ADAMTS17: variants seen among roughly 807,000 people sequenced by gnomAD.
ADAMTS17 encodes the protein ADAM metallopeptidase with thrombospondin type 1 motif 17, also known as A disintegrin and metalloproteinase with thrombospondin motifs 17.
Under a neutral mutation model 141.5 loss-of-function variants are expected in ADAMTS17, and 113 were observed. That is an observed-to-expected ratio of 0.80 (90% CI 0.69 to 0.93). The LOEUF is 0.93. Among genes scored for constraint, ADAMTS17 ranks in the 40% least tolerant of loss-of-function variants. The probability of loss-of-function intolerance (pLI) is 0.00; values close to 1 mark genes in which losing one functional copy is unlikely to be tolerated. For synonymous variants in ADAMTS17, 768 were observed against 630.6 expected (o/e 1.22, Z -3.27); for missense variants, 1,659 against 1,517.9 (o/e 1.09, Z -1.54).
intron 6 of ADAMTS17, among the ~76,000 whole-genome samples, chr15:100,257,485 C>T (rs771723126): frequency 6.6e-6 from 1 of 152,240 alleles, no homozygotes; most frequent in Non-Finnish European, 1.5e-5. Context: ...TGTGATTGCT[C>T]ATGTAGCTTC....
At chr15:100,181,163 C>T (rs958502158) in intron 8 of ADAMTS17, among the ~76,000 whole-genome samples, 2 of 152,086 alleles carry the variant, frequency 1.3e-5, no homozygotes, top group Non-Finnish European at 2.9e-5. Context: ...AAGCACTCTT[C>T]AGTTTGTGGT....
intron 3 of ADAMTS17, among the ~76,000 whole-genome samples, chr15:100,330,531 G>A (rs552725426): frequency 2.6e-5 from 4 of 152,230 alleles, no homozygotes; most frequent in East Asian, 1.9e-4. Flanking sequence ...GCCAGAACTC[G>A]GGAGCACTGT....
At position 100,023,359 on chromosome 15, in the gene ADAMTS17, G is replaced by A. The variant is rs560194375; in HGVS notation, c.2591+25498C>T. Among the ~76,000 whole-genome samples, 19 of 151,562 alleles carry A rather than the reference G, an allele frequency of 1.3e-4. No individual in the cohort carries two copies. The East Asian group carries it at 3.3e-3, about 26-fold the overall frequency. On this transcript the variant is annotated intron_variant, in intron 18 of 21. Transcript: ENST00000268070. ...TGGGATTACAGGTGCCTGCCACCAC[G>A]CAGGGCTAATTTTTTTTTTTGTATT...
chr15:100,159,374 C>T (rs1016805643), intron 8 of ADAMTS17, among the ~76,000 whole-genome samples: 11 of 152,204 alleles, frequency 7.2e-5, no homozygotes, highest in Non-Finnish European at 1.5e-4. Context: ...TTTCTTCTAC[C>T]TGGTAGCTTT....
At chr15:100,265,936 T>C (rs1596396265) in intron 4 of ADAMTS17, among the ~76,000 whole-genome samples, 1 of 152,126 alleles carries the variant, frequency 6.6e-6, no homozygotes, top group East Asian at 1.9e-4. Flanking sequence ...ACAGTGCTCC[T>C]TCCCCACCCT....
chr15:100,076,040 T>G (rs2034350166), intron 15 of ADAMTS17, among the ~76,000 whole-genome samples: 1 of 151,354 alleles, frequency 6.6e-6, no homozygotes, highest in Admixed American at 6.6e-5. Context: ...ATTCTTATTT[T>G]CTTTCTTTTT....
intron 15 of ADAMTS17, among the ~76,000 whole-genome samples, chr15:100,084,567 G>A (rs1451164481): frequency 3.3e-5 from 5 of 152,212 alleles, no homozygotes; most frequent in Admixed American, 6.5e-5. Context: ...CCTGACCCCC[G>A]AGTAGCCTAA....
chr15:100,306,612 T>A (rs1442862149), intron 3 of ADAMTS17: 1 of 455,296 alleles, frequency 2.2e-6, no homozygotes, highest in Admixed American at 2.4e-5. Flanking sequence ...CCTTGTCAAA[T>A]CCCTGACCCA....
chr15:100,107,739 C>A (rs570068178), intron 14 of ADAMTS17, among the ~76,000 whole-genome samples: 2 of 152,110 alleles, frequency 1.3e-5, no homozygotes, highest in Non-Finnish European at 2.9e-5. Flanking sequence ...ATAAGCGACC[C>A]CTCATCAGAT....
chr15:99,975,492 T>G (rs2060302563), intron 21 of ADAMTS17, among the ~76,000 whole-genome samples: 1 of 152,120 alleles, frequency 6.6e-6, no homozygotes, highest in Non-Finnish European at 1.5e-5. Flanking sequence ...TTTACAGGCA[T>G]GAGCCACCAC....
chr15:100,131,218 G>T (rs1362159308), intron 12 of ADAMTS17, among the ~76,000 whole-genome samples: 1 of 145,444 alleles, frequency 6.9e-6, no homozygotes, highest in Admixed American at 6.8e-5. Context: ...GGCCTGTCGA[G>T]GGGGTTGAGG....
chr15:100,225,985 T>C (rs1369334375), intron 7 of ADAMTS17, among the ~76,000 whole-genome samples: 2 of 149,332 alleles, frequency 1.3e-5, no homozygotes, highest in African/African-American at 5.0e-5. Flanking sequence ...CATTCAGTCC[T>C]TATAGCAGTC....
At chr15:99,975,016 A>G (rs2060291961) in intron 21 of ADAMTS17, among the ~76,000 whole-genome samples, 1 of 152,222 alleles carries the variant, frequency 6.6e-6, no homozygotes, top group Non-Finnish European at 1.5e-5. Context: ...GCCCTGCTCA[A>G]GGGAGGTCCT....
intron 14 of ADAMTS17, among the ~76,000 whole-genome samples, chr15:100,098,347 G>C (rs533294805): frequency 6.6e-6 from 1 of 152,256 alleles, no homozygotes; most frequent in Non-Finnish European, 1.5e-5. Flanking sequence ...AAGTTGCTCA[G>C]TATAAAGATT....
chr15:99,982,469 C>A (rs140642350), intron 20 of ADAMTS17, among the ~76,000 whole-genome samples: 2 of 152,186 alleles, frequency 1.3e-5, no homozygotes, highest in African/African-American at 4.8e-5. Flanking sequence ...TGCTGTTGAA[C>A]GACACCCTCG....
intron 8 of ADAMTS17, 52 bp downstream of exon 8, chr15:100,199,266 G>A (rs748242808): frequency 5.4e-6 from 8 of 1,488,296 alleles, no homozygotes; most frequent in Non-Finnish European, 7.5e-6. Flanking sequence ...TGAAAAATCT[G>A]CACTCAAAAA....
At chr15:100,339,060 C>G (rs2046288756) in intron 2 of ADAMTS17, 5 of 985,486 alleles carry the variant, frequency 5.1e-6, no homozygotes, top group Non-Finnish European at 6.0e-6. Context: ...GACTAAACAA[C>G]AGAAGTGTCT....
At chr15:100,072,507 T>C (rs2034049954) in intron 15 of ADAMTS17, among the ~76,000 whole-genome samples, 1 of 151,710 alleles carries the variant, frequency 6.6e-6, no homozygotes, top group African/African-American at 2.4e-5. Flanking sequence ...CTTCAAACTA[T>C]ACTACAAGGC....
intron 20 of ADAMTS17, 172 bp from the exon 21 acceptor site, chr15:99,976,394 G>T: frequency 1.2e-6 from 1 of 862,754 alleles, no homozygotes; most frequent in Non-Finnish European, 1.9e-6. Context: ...GACAGCCTGA[G>T]TGGGGCCTAC....
Sources: allele counts gnomAD v4.1 joint callset (sites outside exome capture counted in the v4.1 genomes callset), GRCh38; gene constraint gnomAD v4.1.1; transcripts MANE v1.5; gene names NCBI Gene and HGNC (gene_info 2026-07-23, HGNC 2026-07-21).